Variants in PAM observed in about 807,000 individuals in gnomAD.
PAM encodes peptidyl-glycine alpha-amidating monooxygenase.
In PAM, 72 loss-of-function variants were observed where a neutral mutation model predicts 122.1. The ratio of observed to expected loss-of-function variants is 0.59; its 90% CI spans 0.49 to 0.72. PAM has a LOEUF of 0.72. PAM is among the 30% of genes least tolerant of loss of function. The pLI is 0.00. For synonymous variants in PAM, 389 were observed against 404.4 expected, an observed-to-expected ratio of 0.96 and a Z score of 0.46; for missense variants, 1,106 against 1,183.7, an observed-to-expected ratio of 0.93 and a Z score of 0.96.
chr5:102,866,037 C>A lies in PAM; in HGVS notation c.-159C>A, dbSNP rs1785448430. On this transcript the variant is annotated 5_prime_UTR_variant, in exon 2 of 26. Coordinates refer to ENST00000438793, the MANE Select transcript of PAM (RefSeq NM_001177306.2). ...CCGAGACGCCTCGCCGCGGCCAGCT[C>A]GCTGCTCTCGCTGGCGGATGGTGTG... 2 of 464,538 alleles carry A rather than the reference C, an allele frequency of 4.3e-6. No individual in the cohort carries two copies. Among genetic ancestry groups the A allele is most frequent in the East Asian group, 7.3e-5 (2 of 27,232 alleles). The allele number at this position is 464,538 out of a possible 1,614,324, so 28.8% of individuals were successfully genotyped here. A position where few individuals can be genotyped will look rare whatever the true frequency, so the allele number is the denominator to read the frequency against.
intron 1 of PAM, among the ~76,000 whole-genome samples, chr5:102,765,772 T>G (rs1753734406): frequency 6.6e-6 from 1 of 152,226 alleles, no homozygotes; most frequent in Non-Finnish European, 1.5e-5. Flanking sequence ...TGGTTCCTTG[T>G]GTCTTCACAT....
At chr5:102,981,074 G>A (rs1300983758) in intron 15 of PAM, among the ~76,000 whole-genome samples, 4 of 152,084 alleles carry the variant, frequency 2.6e-5, no homozygotes, top group Non-Finnish European at 4.4e-5. Flanking sequence ...TGACAAATGA[G>A]TGTTTTTGTA....
At chr5:102,767,358 A>G (rs258140) in intron 1 of PAM, among the ~76,000 whole-genome samples, 71,612 of 151,860 alleles carry the variant, frequency 0.47, 17,072 homozygotes, top group African/African-American at 0.52. Flanking sequence ...AAGATGTCCC[A>G]TTTTATCAGA....
chr5:102,913,932 A>T lies in PAM; in HGVS notation c.269-2A>T. 6.3e-7 allele frequency: 1 copy of T among 1,575,114 alleles called. No homozygotes were observed. The highest frequency in any genetic ancestry group is 8.7e-7 in the Non-Finnish European group (1 of 1,144,928). ...CATACATGTATTATTTTCTCGTAAC[A>T]GTTGACTTCAAGCCTCGAGCCAGCA... On this transcript the variant is annotated splice_acceptor_variant, in intron 4 of 25. Transcript: ENST00000438793. LOFTEE classifies it high-confidence loss of function.
chr5:102,919,097 A>G (rs550949838), intron 5 of PAM, among the ~76,000 whole-genome samples: 130 of 152,204 alleles, frequency 8.5e-4, no homozygotes, highest in African/African-American at 3.1e-3. Context: ...CTAACTGGGA[A>G]TCATTCTCAA....
At chr5:103,019,891 T>G in intron 23 of PAM, 48 bp downstream of exon 23, 4 of 1,132,870 alleles carry the variant, frequency 3.5e-6, no homozygotes, top group Non-Finnish European at 5.4e-6. Context: ...CTGGCTGTGT[T>G]GAATTCTTTT....
intron 15 of PAM, among the ~76,000 whole-genome samples, chr5:102,987,983 A>G (rs561752021): frequency 3.9e-5 from 6 of 152,086 alleles, no homozygotes; most frequent in African/African-American, 7.2e-5. Context: ...GTACCTCAAA[A>G]TTTTCAGTAG....
intron 3 of PAM, among the ~76,000 whole-genome samples, chr5:102,898,808 G>A (rs1561809776): frequency 6.6e-6 from 1 of 151,600 alleles, no homozygotes; most frequent in Non-Finnish European, 1.5e-5. Context: ...CCTTTTAACA[G>A]CTATCTTTCC....
chr5:102,795,075 A>C (rs1763017760), intron 1 of PAM, among the ~76,000 whole-genome samples: 1 of 151,170 alleles, frequency 6.6e-6, no homozygotes, highest in Admixed American at 6.6e-5. Context: ...TGTTAGTCCC[A>C]GCTACTTGTG....
intron 3 of PAM, among the ~76,000 whole-genome samples, chr5:102,869,257 CT>C (rs1786591240): frequency 6.6e-6 from 1 of 152,202 alleles, no homozygotes; most frequent in Non-Finnish European, 1.5e-5. Context: ...AATCTTAGGA[CT>C]TTTGCTGAGA....
rs1582456434 is a variant in PAM, at chr5:102,977,974, T to C, written c.1483+3538T>C. 2.0e-5 allele frequency among the ~76,000 whole-genome samples: 3 copies of C among 152,286 alleles called. No homozygotes were observed. The Middle Eastern group carries it at 0.01, about 518-fold the overall frequency. ...AATGATATTATACATGCAAAGTGCT[T>C]TGAACAGTGTCGGCATGCAGAAAGC... On this transcript the variant is annotated intron_variant, in intron 15 of 25. Transcript: ENST00000438793.
chr5:102,780,868 T>C (rs1308369092), intron 1 of PAM, among the ~76,000 whole-genome samples: 1 of 150,898 alleles, frequency 6.6e-6, no homozygotes, highest in Non-Finnish European at 1.5e-5. Context: ...TCTTTCTTTC[T>C]TTCTCCTTTC....
intron 1 of PAM, among the ~76,000 whole-genome samples, chr5:102,827,258 G>T (rs1004524559): frequency 1.3e-5 from 2 of 152,046 alleles, no homozygotes; most frequent in Admixed American, 1.3e-4. Context: ...GAGCATTTCT[G>T]ATTTCAGATT....
intron 24 of PAM, among the ~76,000 whole-genome samples, chr5:103,027,184 T>G (rs1376412692): frequency 1.3e-5 from 2 of 152,238 alleles, no homozygotes; most frequent in East Asian, 3.8e-4. Context: ...TTCCTTATTA[T>G]GTATTGACTC....
At chr5:102,878,466 A>G (rs1789915421) in intron 3 of PAM, among the ~76,000 whole-genome samples, 1 of 152,140 alleles carries the variant, frequency 6.6e-6, no homozygotes, top group Non-Finnish European at 1.5e-5. Flanking sequence ...TATACTTTTT[A>G]TCATTATTTA....
chr5:102,985,853 A>G (rs1771647411), intron 15 of PAM, among the ~76,000 whole-genome samples: 2 of 152,210 alleles, frequency 1.3e-5, no homozygotes, highest in African/African-American at 4.8e-5. Flanking sequence ...ACACAGTACT[A>G]TCAAACCAAC....
chr5:102,965,789 G>T (rs1330783719), intron 14 of PAM, among the ~76,000 whole-genome samples: 2 of 151,982 alleles, frequency 1.3e-5, no homozygotes, highest in South Asian at 4.2e-4. Flanking sequence ...AAGGTCTTCG[G>T]ACACCTTCTG....
At chr5:102,980,851 A>G (rs1769518482) in intron 15 of PAM, among the ~76,000 whole-genome samples, 1 of 152,352 alleles carries the variant, frequency 6.6e-6, no homozygotes, top group East Asian at 1.9e-4. Context: ...AAGACAATTT[A>G]AAATAAAATA....
At chr5:102,946,939 T>C (rs1757246617) in intron 8 of PAM, 54 bp downstream of exon 8, 1 of 1,151,984 alleles carries the variant, frequency 8.7e-7, no homozygotes, top group Non-Finnish European at 1.3e-6. Flanking sequence ...CTTTGCGAAC[T>C]TAGAGTGGGA....
Sources: gnomAD v4.1 joint callset for allele counts (sites outside exome capture counted in the v4.1 genomes callset) on GRCh38, gnomAD v4.1.1 for gene constraint, MANE v1.5 for transcripts, NCBI Gene and HGNC (gene_info 2026-07-23, HGNC 2026-07-21) for gene names.